PTPN12: variants seen among roughly 807,000 people sequenced by gnomAD.
PTPN12 encodes tyrosine-protein phosphatase non-receptor type 12.
A neutral mutation model predicts 97.6 loss-of-function variants in PTPN12; 29 were observed. The observed-to-expected ratio is 0.30, with a 90% CI of 0.22 to 0.41. PTPN12 has a LOEUF of 0.41. PTPN12 is among the 10% of genes least tolerant of loss of function. The pLI is 1.00. For missense variants in PTPN12, 819 were observed against 926.0 expected, an observed-to-expected ratio of 0.88 and a Z score of 1.50; for synonymous variants, 327 against 300.4, an observed-to-expected ratio of 1.09 and a Z score of -0.91.
intron 13 of PTPN12, among the ~76,000 whole-genome samples, chr7:77,630,559 A>T (rs1163367256): frequency 6.6e-6 from 1 of 152,244 alleles, no homozygotes; most frequent in African/African-American, 2.4e-5. Context: ...GTATCTAAAC[A>T]TAGAAAAGGT....
intron 2 of PTPN12, among the ~76,000 whole-genome samples, chr7:77,572,060 G>A (rs1787160322): frequency 6.7e-6 from 1 of 149,102 alleles, no homozygotes; most frequent in African/African-American, 2.5e-5. Flanking sequence ...CAGTCTTAAA[G>A]GTTGTTCTCT....
At chr7:77,633,289 T>C (rs1335256980) in intron 14 of PTPN12, among the ~76,000 whole-genome samples, 5 of 150,780 alleles carry the variant, frequency 3.3e-5, no homozygotes, top group Admixed American at 2.0e-4. Context: ...AATGCAATTA[T>C]AAGTGTATTT....
chr7:77,537,980 G>GGT, intron 1 of PTPN12: 1 of 726,698 alleles, frequency 1.4e-6, no homozygotes, highest in Non-Finnish European at 1.6e-6. Flanking sequence ...GTGCAGGCCG[G>GGT]GGGGGGGGGC....
At chr7:77,619,453 G>A (rs768681614) in intron 12 of PTPN12, among the ~76,000 whole-genome samples, 1 of 152,118 alleles carries the variant, frequency 6.6e-6, no homozygotes, top group Non-Finnish European at 1.5e-5. Context: ...CTCAGTAACT[G>A]AAGGTTTGGT....
chr7:77,623,028 GA>G (rs1290634521), intron 12 of PTPN12, among the ~76,000 whole-genome samples: 2 of 148,892 alleles, frequency 1.3e-5, no homozygotes, highest in African/African-American at 4.9e-5. Context: ...AAAAAAAGAA[GA>G]AAAAATGTGT....
chr7:77,614,703 A>C (rs1265602545), intron 11 of PTPN12, among the ~76,000 whole-genome samples: 2 of 152,216 alleles, frequency 1.3e-5, no homozygotes, highest in East Asian at 3.8e-4. Context: ...GTGGTTGCAG[A>C]CCATAAATCT....
rs556944656 is a variant in PTPN12, at chr7:77,573,811, A to C, written c.208+2625A>C. 3.9e-5 allele frequency among the ~76,000 whole-genome samples: 6 copies of C among 152,142 alleles called. No individual in the cohort carries two copies. In the South Asian group the frequency reaches 1.2e-3, roughly 32 times the overall value. On this transcript the variant is annotated intron_variant, in intron 2 of 17. Transcript: ENST00000248594. ...TGTCTTGCTCTGTTGCCCAGGCTGGAGTGCAGTGGTGCGATCTCCGCACAC... is the reference window on the plus strand; with the variant it reads ...TGTCTTGCTCTGTTGCCCAGGCTGGCGTGCAGTGGTGCGATCTCCGCACAC...
At chr7:77,577,972 A>G (rs983226899) in intron 2 of PTPN12, among the ~76,000 whole-genome samples, 4 of 152,222 alleles carry the variant, frequency 2.6e-5, no homozygotes, top group Non-Finnish European at 5.9e-5. Context: ...AAGATTCATT[A>G]TACTGTTCTA....
At chr7:77,596,466 C>T (rs1276912568) in intron 6 of PTPN12, among the ~76,000 whole-genome samples, 5 of 152,276 alleles carry the variant, frequency 3.3e-5, no homozygotes, top group South Asian at 2.1e-4. Context: ...AATGCAGCGA[C>T]GTGATCGCAG....
rs1008648155 is a variant in PTPN12 at position 77,583,824 on chromosome 7, A to G, written c.381+174A>G. 10 of 464,626 alleles carry G rather than the reference A, an allele frequency of 2.2e-5. No homozygotes were observed. The Admixed American group carries it at 3.6e-4, about 17-fold the overall frequency. 28.8% of individuals were successfully genotyped at this position (464,626 alleles called of 1,614,324 possible). ...TTAGGATGTCTCATTAAATTTTTAC[A>G]AACTAGGCTAAATATTTTAAGAAGG... On this transcript the variant is annotated intron_variant, in intron 4 of 17. Transcript: ENST00000248594.
chr7:77,600,647 T>C lies in PTPN12; in HGVS notation c.553-17T>C. 1.3e-6 allele frequency: 2 copies of C among 1,570,548 alleles called. 1 individual carries two copies. Among genetic ancestry groups the C allele is most frequent in the South Asian group, 2.4e-5 (2 of 83,906 alleles). On this transcript the variant is annotated splice_polypyrimidine_tract_variant and intron_variant, in intron 7 of 17. Coordinates refer to ENST00000248594, the MANE Select transcript of PTPN12 (RefSeq NM_002835.4). Reference sequence around the variant, plus strand: ...CAAAGTATTTTCATAATTGTTGACTTTCTGTTTTTCTTGAAGGAATCTCGT... The same window carrying C: ...CAAAGTATTTTCATAATTGTTGACTCTCTGTTTTTCTTGAAGGAATCTCGT...
At chr7:77,573,048 A>C (rs1405341037) in intron 2 of PTPN12, among the ~76,000 whole-genome samples, 1 of 132,744 alleles carries the variant, frequency 7.5e-6, no homozygotes, top group Non-Finnish European at 1.5e-5. Context: ...GCGCCATTGC[A>C]TTCCAGCCTG....
In PTPN12 at chr7:77,607,277, T is replaced by C. The variant is rs774044190; in HGVS notation, c.738T>C (p.Tyr246=). The C allele has an allele frequency of 1.2e-6, 2 of 1,611,858 alleles. No homozygotes were observed. Among genetic ancestry groups the C allele is most frequent in the South Asian group, 2.2e-5 (2 of 90,878 alleles). Residue 246 remains tyrosine, a synonymous_variant, in exon 9 of 18, where the codon TAT becomes TAC. Transcript: ENST00000248594. The part of the protein sequence containing the change: ...GRTGAICAID[Y]TWNLLKAGKI... ...CAGGTGCCATTTGTGCCATAGATTATACGTGGAATTTACTAAAAGCTGGGG... is the reference window on the plus strand; with the variant it reads ...CAGGTGCCATTTGTGCCATAGATTACACGTGGAATTTACTAAAAGCTGGGG...
intron 9 of PTPN12, among the ~76,000 whole-genome samples, chr7:77,608,916 T>C (rs1788465090): frequency 6.6e-6 from 1 of 152,176 alleles, no homozygotes; most frequent in African/African-American, 2.4e-5. Context: ...AAACATTTGG[T>C]CATTTTAAAA....
intron 11 of PTPN12, among the ~76,000 whole-genome samples, chr7:77,612,111 T>C (rs1297286791): frequency 6.6e-6 from 1 of 152,192 alleles, no homozygotes; most frequent in Non-Finnish European, 1.5e-5. Flanking sequence ...TTTCTCCCTT[T>C]AAATGGTTTT....
chr7:77,582,526 G>A lies in PTPN12; in HGVS notation c.285+1023G>A, dbSNP rs186876188. The stretch of plus-strand genomic sequence containing the variant: ...AGGCCGGGCACGGTGGCTCATGTCC[G>A]TAATCCCAGCACTTTGGGAGACCTA... On this transcript the variant is annotated intron_variant, in intron 3 of 17. Coordinates refer to ENST00000248594, the MANE Select transcript of PTPN12 (RefSeq NM_002835.4). 4.9e-3 allele frequency among the ~76,000 whole-genome samples: 752 copies of A among 152,142 alleles called. 21 individuals are homozygous for A. In the South Asian group the frequency reaches 0.077, roughly 15 times the overall value.
At chr7:77,538,375 C>A (rs564461707) in intron 1 of PTPN12, among the ~76,000 whole-genome samples, 4 of 150,240 alleles carry the variant, frequency 2.7e-5, no homozygotes, top group African/African-American at 7.4e-5. Context: ...GGAAGCCAGC[C>A]GACTTCGGAC....
chr7:77,639,223 T>G lies in PTPN12; in HGVS notation c.2286T>G (p.Phe762Leu). ...ATTGTGGTGTTTTCACTGTAGGTTT[T>G]GGTAATCGATGTGGAAAACCCAAAG... is the stretch of plus-strand genomic sequence containing the variant. The part of the protein sequence containing the change: ...ENPTEATDIG[F>L]GNRCGKPKGP... The change falls in exon 18 of 18, where the codon TTT (phenylalanine) becomes TTG (leucine). Residue 762 changes from phenylalanine (F) to leucine (L), a missense_variant. Around this residue, in one of 5 missense-constraint regions of PTPN12, gnomAD observed 607 missense variants for 577.3 expected, o/e 1.05. Transcript: ENST00000248594. 1 of 1,611,498 alleles carries G rather than the reference T, an allele frequency of 6.2e-7. No homozygotes were observed. Among genetic ancestry groups the G allele is most frequent in the Non-Finnish European group, 8.5e-7 (1 of 1,178,444 alleles).
intron 1 of PTPN12, among the ~76,000 whole-genome samples, chr7:77,543,570 A>G (rs911555107): frequency 6.6e-6 from 1 of 152,182 alleles, no homozygotes; most frequent in African/African-American, 2.4e-5. Flanking sequence ...TTTAAAGTCT[A>G]TGATTCACTA....
Sources: allele counts gnomAD v4.1 joint callset (sites outside exome capture counted in the v4.1 genomes callset), GRCh38; gene constraint gnomAD v4.1.1; regional missense constraint gnomAD v4.1.1; transcripts MANE v1.5; gene names NCBI Gene and HGNC (gene_info 2026-07-23, HGNC 2026-07-21).